The following DYNC2I2 variants were observed in gnomAD, a reference collection of about 807,000 sequenced individuals.
DYNC2I2 encodes cytoplasmic dynein 2 intermediate chain 2.
DYNC2I2 carries 39 observed loss-of-function variants against 52.0 expected under a neutral mutation model. That is an observed-to-expected ratio of 0.75 (90% confidence interval 0.58 to 0.98). The LOEUF is 0.98. Among genes scored for constraint, DYNC2I2 ranks in the 50% least tolerant of loss-of-function variants. DYNC2I2 has a pLI of 0.00. For synonymous variants in DYNC2I2, 359 were observed against 321.1 expected (o/e 1.12, Z -1.26); for missense variants, 743 against 728.4 (o/e 1.02, Z -0.23).
At chr9:128,642,804 T>A (rs1054943509) in intron 1 of DYNC2I2, among the ~76,000 whole-genome samples, 2 of 151,502 alleles carry the variant, frequency 1.3e-5, no homozygotes, top group East Asian at 3.9e-4. Context: ...ATTGTCTGGG[T>A]AATGAGGACA....
intron 8 of DYNC2I2, 110 bp downstream of exon 8, chr9:128,634,116 C>T: frequency 3.2e-6 from 5 of 1,559,324 alleles, no homozygotes; most frequent in South Asian, 1.2e-5. Context: ...TGGAGGGAAG[C>T]CGTCCTTACC....
intron 3 of DYNC2I2, 81 bp from the exon 4 acceptor site, chr9:128,636,519 C>T (rs911308832): frequency 2.0e-5 from 30 of 1,468,630 alleles, no homozygotes; most frequent in Middle Eastern, 2.3e-4. Flanking sequence ...CCACTAGCCC[C>T]GGACACACTC....
At chr9:128,662,296 C>T in the DYNC2I2 span, among the ~76,000 whole-genome samples, 1 of 151,934 alleles carries the variant, frequency 6.6e-6, no homozygotes, top group African/African-American at 2.4e-5. Context: ...ATAATGAAAG[C>T]GCCATCTGCC....
At chr9:128,635,835 C>T (rs1007235670) in intron 4 of DYNC2I2, 68 bp from the exon 5 acceptor site, 53 of 1,448,540 alleles carry the variant, frequency 3.7e-5, no homozygotes, top group Admixed American at 9.7e-5. Flanking sequence ...GCCAAACACC[C>T]GCCCCAGCCC....
upstream of DYNC2I2, among the ~76,000 whole-genome samples, chr9:128,661,532 C>T (rs377172622): frequency 2.0e-5 from 3 of 151,932 alleles, no homozygotes; most frequent in African/African-American, 4.8e-5. Flanking sequence ...GCAGGAGAAT[C>T]GCTTGAACCC....
chr9:128,639,513 C>T (rs977744406), intron 2 of DYNC2I2, among the ~76,000 whole-genome samples: 7 of 152,172 alleles, frequency 4.6e-5, no homozygotes, highest in African/African-American at 7.2e-5. Context: ...ACTTGGAGGG[C>T]AGATGACCCA....
At chr9:128,634,658 C>T in intron 7 of DYNC2I2, 31 bp downstream of exon 7, 3 of 1,494,672 alleles carry the variant, frequency 2.0e-6, no homozygotes, top group Non-Finnish European at 2.7e-6. Context: ...GACACCCTGG[C>T]CCCACTGTGC....
At chr9:128,637,099 C>G in intron 2 of DYNC2I2, 72 bp from the exon 3 acceptor site, 4 of 1,116,124 alleles carry the variant, frequency 3.6e-6, no homozygotes, top group Non-Finnish European at 5.3e-6. Flanking sequence ...CCAAACCCCA[C>G]CTAGGCCAGG....
At chr9:128,635,027 G>A in intron 6 of DYNC2I2, 65 bp downstream of exon 6, 1 of 1,583,964 alleles carries the variant, frequency 6.3e-7, no homozygotes, top group Non-Finnish European at 8.6e-7. Flanking sequence ...CAGGCCCACT[G>A]CCACACCTTC....
At chr9:128,683,924 C>A in the DYNC2I2 span, 1 of 1,555,040 alleles carries the variant, frequency 6.4e-7, no homozygotes, top group Non-Finnish European at 8.7e-7. Context: ...TCTCCACTCC[C>A]GCCTCAAAAG....
At chr9:128,661,127 A>T (rs1192553124), upstream of DYNC2I2, among the ~76,000 whole-genome samples, 2 of 151,494 alleles carry the variant, frequency 1.3e-5, no homozygotes, top group East Asian at 4.0e-4. Context: ...GGATCACCTG[A>T]GGTCAGGAGT....
the DYNC2I2 span, among the ~76,000 whole-genome samples, chr9:128,677,671 C>T: frequency 6.6e-6 from 1 of 151,340 alleles, no homozygotes; most frequent in African/African-American, 2.4e-5. Context: ...GCTCGGCGTG[C>T]TGGCAGGCAC....
At chr9:128,652,277 C>CA (rs1860731175) in intron 1 of DYNC2I2, 1 of 149,906 alleles carries the variant, frequency 6.7e-6, no homozygotes, top group Non-Finnish European at 1.5e-5. Context: ...ACTAAAAATA[C>CA]AAAAATTAGC....
At chr9:128,658,326 G>T (rs535013573), upstream of DYNC2I2, among the ~76,000 whole-genome samples, 386 of 150,034 alleles carry the variant, frequency 2.6e-3, 1 homozygote, top group Non-Finnish European at 3.6e-3. Flanking sequence ...CCACCACACT[G>T]GGCTAATTTT....
the DYNC2I2 span, among the ~76,000 whole-genome samples, chr9:128,676,620 C>T: frequency 6.6e-6 from 1 of 151,232 alleles, no homozygotes; most frequent in Non-Finnish European, 1.5e-5. Flanking sequence ...CTACCTCCGC[C>T]TCCTAGGTTC....
chr9:128,663,896 G>A, the DYNC2I2 span, among the ~76,000 whole-genome samples: 3 of 148,040 alleles, frequency 2.0e-5, no homozygotes, highest in Non-Finnish European at 4.4e-5. Context: ...CAAGCGATTC[G>A]TCTGCCTCGG....
At chr9:128,653,368 G>A (rs1044760402) in intron 1 of DYNC2I2, among the ~76,000 whole-genome samples, 8 of 150,602 alleles carry the variant, frequency 5.3e-5, no homozygotes, top group African/African-American at 9.9e-5. Flanking sequence ...GTGAAAGGTC[G>A]GGAGTTCAAA....
upstream of DYNC2I2, among the ~76,000 whole-genome samples, chr9:128,659,900 CT>C (rs1350691108): frequency 6.6e-6 from 1 of 151,222 alleles, no homozygotes; most frequent in Non-Finnish European, 1.5e-5. Flanking sequence ...AAGAGCAAGA[CT>C]CTGTCTCAAA....
At chr9:128,659,902 C>G (rs1441881166), upstream of DYNC2I2, among the ~76,000 whole-genome samples, 2 of 151,052 alleles carry the variant, frequency 1.3e-5, no homozygotes, top group Admixed American at 6.6e-5. Flanking sequence ...GAGCAAGACT[C>G]TGTCTCAAAA....
Sources: allele counts gnomAD v4.1 joint callset (sites outside exome capture counted in the v4.1 genomes callset), GRCh38; gene constraint gnomAD v4.1.1; transcripts MANE v1.5; gene names NCBI Gene and HGNC (gene_info 2026-07-23, HGNC 2026-07-21).